PKHD1: variants seen among roughly 807,000 people sequenced by gnomAD.
PKHD1 encodes fibrocystin.
In PKHD1, 291 loss-of-function variants were observed where a neutral mutation model predicts 412.0. That is an observed-to-expected ratio of 0.71 (90% confidence interval 0.64 to 0.78). PKHD1 has a LOEUF of 0.78. PKHD1 is among the 30% of genes least tolerant of loss of function. The pLI, the probability that PKHD1 is intolerant of heterozygous loss-of-function variation, is 0.00. For missense variants in PKHD1, 4,825 were observed against 4,950.7 expected (o/e 0.97, Z 0.76); for synonymous variants, 1,777 against 1,821.5 (o/e 0.98, Z 0.62).
At chr6:51,802,176 T>G (rs889306151) in intron 52 of PKHD1, among the ~76,000 whole-genome samples, 2 of 147,054 alleles carry the variant, frequency 1.4e-5, no homozygotes, top group African/African-American at 5.5e-5. Flanking sequence ...GTGGACGACA[T>G]GGCATTGCCA....
chr6:51,629,811 T>C (rs1232152366), intron 65 of PKHD1, among the ~76,000 whole-genome samples: 4 of 152,154 alleles, frequency 2.6e-5, no homozygotes, highest in African/African-American at 9.6e-5. Context: ...TTCATACTTG[T>C]ATATTTGGCA....
In PKHD1 at chr6:52,022,910, T is replaced by C. The variant is rs556583531; in HGVS notation, c.5271A>G (p.Gly1757=). 6.2e-6 allele frequency: 10 copies of C among 1,614,036 alleles called. No homozygotes were observed. In the Admixed American group the frequency reaches 1.2e-4, roughly 19 times the overall value. ...CLGGRLVHVF[G]AGFSPGNVSA... Reference sequence around the variant, plus strand: ...AGACATTCCCTGGAGAAAATCCCGCTCCAAACACATGCACCAGCCTTCCAC... The same window carrying C: ...AGACATTCCCTGGAGAAAATCCCGCCCCAAACACATGCACCAGCCTTCCAC... The change falls in exon 33 of 67, where the codon GGA becomes GGG. Residue 1757 remains glycine, a synonymous_variant. Transcript: ENST00000371117.
intron 43 of PKHD1, among the ~76,000 whole-genome samples, chr6:51,901,148 C>T (rs1781208585): frequency 2.0e-5 from 3 of 152,132 alleles, no homozygotes; most frequent in South Asian, 2.1e-4. Context: ...TACCATTTGA[C>T]CCAGCCATCC....
chr6:52,005,489 C>T (rs2128106496), intron 35 of PKHD1, among the ~76,000 whole-genome samples: 1 of 152,280 alleles, frequency 6.6e-6, no homozygotes, highest in African/African-American at 2.4e-5. Flanking sequence ...ATGCTGGTTC[C>T]CCCACCAGAA....
At chr6:51,861,110 G>A (rs1269775876) in intron 48 of PKHD1, among the ~76,000 whole-genome samples, 1 of 152,108 alleles carries the variant, frequency 6.6e-6, no homozygotes, top group African/African-American at 2.4e-5. Flanking sequence ...ACCATGCCTG[G>A]CCCAAACCTG....
intron 60 of PKHD1, among the ~76,000 whole-genome samples, chr6:51,730,417 T>C (rs1783098775): frequency 6.6e-6 from 1 of 152,212 alleles, no homozygotes; most frequent in Non-Finnish European, 1.5e-5. Flanking sequence ...TCTCCCTACA[T>C]GATGAGTCAA....
chr6:51,647,261 G>T (rs997425590), intron 63 of PKHD1, among the ~76,000 whole-genome samples: 2 of 152,282 alleles, frequency 1.3e-5, no homozygotes, highest in South Asian at 4.1e-4. Flanking sequence ...GTGTGAGAGG[G>T]TTAAATAGGA....
At chr6:51,721,409 C>T (rs1039460879) in intron 60 of PKHD1, 5 of 504,038 alleles carry the variant, frequency 9.9e-6, no homozygotes, top group Non-Finnish European at 1.0e-5. Flanking sequence ...TATTAATATG[C>T]CAATAATAAT....
At chr6:51,619,962 T>C (rs1469614739) in intron 66 of PKHD1, among the ~76,000 whole-genome samples, 1 of 152,268 alleles carries the variant, frequency 6.6e-6, no homozygotes, top group Non-Finnish European at 1.5e-5. Flanking sequence ...ATATCTTTGG[T>C]ATTATAAAAA....
intron 60 of PKHD1, chr6:51,722,161 T>C: frequency 7.1e-7 from 1 of 1,407,974 alleles, no homozygotes; most frequent in Admixed American, 1.9e-5. Context: ...AGCTCTTTAC[T>C]CATGCCCGCC....
Position 51,745,738 on chromosome 6 carries a change from A to C in PKHD1, c.9998+983T>G, listed in dbSNP as rs1250869926. Among the ~76,000 whole-genome samples, 3 of 152,264 alleles carry C rather than the reference A, an allele frequency of 2.0e-5. No individual in the cohort carries two copies. In the Middle Eastern group the frequency reaches 0.01, roughly 518 times the overall value. ...AATAAATAAATTTCTGTTCTTCATA[A>C]ATTATCCAGTCTGTGGTACTTTGTT... On this transcript the variant is annotated intron_variant, in intron 59 of 66. Coordinates refer to ENST00000371117, the MANE Select transcript of PKHD1 (RefSeq NM_138694.4).
chr6:51,721,916 A>G (rs1307086818), intron 60 of PKHD1: 5 of 1,611,144 alleles, frequency 3.1e-6, no homozygotes, highest in Non-Finnish European at 4.2e-6. Context: ...CCATGCTCCA[A>G]CCCATTCTTC....
At chr6:51,822,450 G>C (rs567505848) in intron 52 of PKHD1, among the ~76,000 whole-genome samples, 2 of 152,162 alleles carry the variant, frequency 1.3e-5, no homozygotes, top group East Asian at 1.9e-4. Flanking sequence ...CTAATTTCAT[G>C]ACTACTCGTT....
chr6:51,724,052 C>T (rs1782255760), intron 60 of PKHD1, among the ~76,000 whole-genome samples: 1 of 152,122 alleles, frequency 6.6e-6, no homozygotes, highest in Non-Finnish European at 1.5e-5. Context: ...AGAATCTTAT[C>T]AACTAATCAG....
intron 22 of PKHD1, among the ~76,000 whole-genome samples, chr6:52,049,571 T>C (rs1013819873): frequency 2.4e-4 from 37 of 152,148 alleles, no homozygotes; most frequent in Admixed American, 2.4e-3. Flanking sequence ...AAGAACAAAT[T>C]AGAGTATACA....
chr6:51,975,644 A>G (rs1369142313), intron 35 of PKHD1: 4 of 150,010 alleles, frequency 2.7e-5, no homozygotes, highest in African/African-American at 7.4e-5. Flanking sequence ...AAAAAAAACA[A>G]AAAGAAAAAG....
Position 51,711,028 on chromosome 6 carries a change from G to A in PKHD1, c.10156+33357C>T, listed in dbSNP as rs1780596988. ...TGATGAGGCTCCCAGTTCCATGCAG[G>A]AGGAAGCTAACAGTGTCCTGCCTTC... On this transcript the variant is annotated intron_variant, in intron 60 of 66. Coordinates refer to ENST00000371117, the MANE Select transcript of PKHD1 (RefSeq NM_138694.4). Among the ~76,000 whole-genome samples the A allele has an allele frequency of 2.0e-5, 3 of 152,150 alleles. No homozygotes were observed. The South Asian group carries it at 6.2e-4, about 32-fold the overall frequency.
chr6:51,715,936 C>G (rs1293264279), intron 60 of PKHD1, among the ~76,000 whole-genome samples: 1 of 152,126 alleles, frequency 6.6e-6, no homozygotes, highest in Non-Finnish European at 1.5e-5. Context: ...AGCCCAGAGT[C>G]CAGAAGTCCA....
chr6:51,618,789 T>C lies in PKHD1; in HGVS notation c.*292A>G, dbSNP rs966090395. The C allele has an allele frequency of 6.8e-6, 3 of 439,678 alleles. No individual in the cohort carries two copies. The highest frequency in any genetic ancestry group is 8.4e-6 in the Non-Finnish European group (2 of 237,374). The allele number at this position is 439,678 out of a possible 1,614,324, so 27.2% of individuals were successfully genotyped here. On this transcript the variant is annotated 3_prime_UTR_variant, in exon 67 of 67. Transcript: ENST00000371117. Reference sequence around the variant, plus strand: ...CTGGTATAAGTCAGTATTACACCATTATCAAGTTGTTAAAATCAGGCTTAA... The same window carrying C: ...CTGGTATAAGTCAGTATTACACCATCATCAAGTTGTTAAAATCAGGCTTAA...
Sources: gnomAD v4.1 joint callset for allele counts (sites outside exome capture counted in the v4.1 genomes callset) on GRCh38, gnomAD v4.1.1 for gene constraint, MANE v1.5 for transcripts, NCBI Gene and HGNC (gene_info 2026-07-23, HGNC 2026-07-21) for gene names.